The following TENM2 variants were observed in gnomAD, a reference collection of about 807,000 sequenced individuals.
The protein encoded by TENM2 is teneurin-2.
Under a neutral mutation model 245.2 loss-of-function variants are expected in TENM2, and 52 were observed. That is an observed-to-expected ratio of 0.21 (90% CI 0.17 to 0.27). The LOEUF (loss-of-function observed/expected upper bound fraction) is 0.27. Ranked by LOEUF, TENM2 falls within the 10% of genes least tolerant of loss-of-function variation. The probability of loss-of-function intolerance (pLI) is 1.00; values close to 1 mark genes in which losing one functional copy is unlikely to be tolerated. For synonymous variants in TENM2, 1,363 were observed against 1,438.9 expected (o/e 0.95, Z 1.19); for missense variants, 3,046 against 3,666.8 (o/e 0.83, Z 4.37).
chr5:167,912,464 T>C (rs1776621791), intron 3 of TENM2, among the ~76,000 whole-genome samples: 1 of 152,258 alleles, frequency 6.6e-6, no homozygotes, highest in Non-Finnish European at 1.5e-5. Flanking sequence ...AGTTCATTGT[T>C]GTTCTCCAGC....
chr5:167,760,945 C>G (rs930077301), intron 2 of TENM2, among the ~76,000 whole-genome samples: 1 of 152,136 alleles, frequency 6.6e-6, no homozygotes, highest in African/African-American at 2.4e-5. Flanking sequence ...GCCACCGCAC[C>G]TGGCCTTACT....
intron 2 of TENM2, among the ~76,000 whole-genome samples, chr5:167,546,664 A>T (rs1359667710): frequency 6.6e-6 from 1 of 152,160 alleles, no homozygotes; most frequent in East Asian, 1.9e-4. Context: ...CTCATGATTT[A>T]GGTGTCCTAC....
chr5:167,462,142 G>T (rs940981723), intron 2 of TENM2, among the ~76,000 whole-genome samples: 3 of 144,890 alleles, frequency 2.1e-5, no homozygotes, highest in East Asian at 4.1e-4. Context: ...ATTTTCTTCA[G>T]ACTAATGCAT....
At chr5:167,358,775 A>G (rs1759507344) in intron 1 of TENM2, among the ~76,000 whole-genome samples, 1 of 149,848 alleles carries the variant, frequency 6.7e-6, no homozygotes, top group South Asian at 2.1e-4. Flanking sequence ...AAGTAAACTC[A>G]ACATCTCGAA....
At chr5:167,807,492 T>C (rs1446530019) in intron 2 of TENM2, among the ~76,000 whole-genome samples, 1 of 152,108 alleles carries the variant, frequency 6.6e-6, no homozygotes, top group Non-Finnish European at 1.5e-5. Context: ...AAGACACTAG[T>C]CTATGTTAAC....
intron 1 of TENM2, among the ~76,000 whole-genome samples, chr5:167,314,509 T>A (rs1433385993): frequency 6.6e-6 from 1 of 152,162 alleles, no homozygotes; most frequent in African/African-American, 2.4e-5. Flanking sequence ...AGAATTAAAA[T>A]CTTGAATTTG....
At chr5:167,676,665 A>T (rs1756351756) in intron 2 of TENM2, among the ~76,000 whole-genome samples, 1 of 151,896 alleles carries the variant, frequency 6.6e-6, no homozygotes, top group South Asian at 2.1e-4. Flanking sequence ...TCAGAAGCTG[A>T]AAAGGCTGCT....
intron 2 of TENM2, among the ~76,000 whole-genome samples, chr5:167,524,152 C>T (rs1484128190): frequency 6.6e-6 from 1 of 152,120 alleles, no homozygotes; most frequent in Non-Finnish European, 1.5e-5. Context: ...AATGCCAAGT[C>T]CTTCAATTTC....
At chr5:167,796,770 T>A (rs1765352023) in intron 2 of TENM2, among the ~76,000 whole-genome samples, 3 of 152,026 alleles carry the variant, frequency 2.0e-5, no homozygotes. Context: ...AACTAGAATA[T>A]GAAAGTCGCA....
At chr5:167,106,503 G>A in the TENM2 span, among the ~76,000 whole-genome samples, 1 of 152,220 alleles carries the variant, frequency 6.6e-6, no homozygotes, top group South Asian at 2.1e-4. Context: ...GACTAAAAAG[G>A]TGATTTGGAA....
the TENM2 span, among the ~76,000 whole-genome samples, chr5:167,051,967 T>G: frequency 6.6e-6 from 1 of 152,144 alleles, no homozygotes; most frequent in Non-Finnish European, 1.5e-5. Flanking sequence ...TCTTTGCAGT[T>G]TTTTCTTTGC....
intron 2 of TENM2, among the ~76,000 whole-genome samples, chr5:167,807,771 A>G (rs1247598781): frequency 6.6e-6 from 1 of 152,020 alleles, no homozygotes; most frequent in Non-Finnish European, 1.5e-5. Flanking sequence ...CTTTTTCCGC[A>G]GGGCAACATG....
chr5:167,035,588 G>A, the TENM2 span, among the ~76,000 whole-genome samples: 1 of 152,158 alleles, frequency 6.6e-6, no homozygotes, highest in Non-Finnish European at 1.5e-5. Flanking sequence ...TTTAATCAGT[G>A]ACCATATATT....
At chr5:167,033,772 A>G in the TENM2 span, among the ~76,000 whole-genome samples, 1 of 152,198 alleles carries the variant, frequency 6.6e-6, no homozygotes, top group African/African-American at 2.4e-5. Flanking sequence ...TAACCGTATT[A>G]CCCTGAGTAA....
chr5:168,194,385 C>G (rs1030840769), intron 14 of TENM2, among the ~76,000 whole-genome samples: 1 of 152,058 alleles, frequency 6.6e-6, no homozygotes, highest in African/African-American at 2.4e-5. Context: ...TGGTTGGAAA[C>G]CGGGATTTGT....
intron 1 of TENM2, among the ~76,000 whole-genome samples, chr5:167,360,373 AT>A (rs1013675678): frequency 6.6e-6 from 1 of 152,172 alleles, no homozygotes; most frequent in African/African-American, 2.4e-5. Context: ...CAGGCTTAGC[AT>A]TTAGTAAGCA....
intron 1 of TENM2, among the ~76,000 whole-genome samples, chr5:167,354,901 C>A (rs1489030875): frequency 6.6e-6 from 1 of 152,144 alleles, no homozygotes; most frequent in Non-Finnish European, 1.5e-5. Context: ...GAATCGGAAG[C>A]CTCAGGGGAT....
At chr5:167,252,988 G>A in the TENM2 span, among the ~76,000 whole-genome samples, 301 of 152,150 alleles carry the variant, frequency 2.0e-3, 2 homozygotes, top group African/African-American at 7.1e-3. Flanking sequence ...TGACCGTGTG[G>A]GCAACATGAT....
exon 4 of TENM2, chr5:167,952,710 C>A: frequency 2.5e-6 from 4 of 1,610,020 alleles, no homozygotes; most frequent in Non-Finnish European, 2.5e-6. Flanking sequence ...GACCAATCGG[C>A]GGAGTCAGAT....
Sources: allele counts gnomAD v4.1 joint callset (sites outside exome capture counted in the v4.1 genomes callset), GRCh38; gene constraint gnomAD v4.1.1; transcripts MANE v1.5; gene names NCBI Gene and HGNC (gene_info 2026-07-23, HGNC 2026-07-21).